Variants in KATNAL1 observed in about 807,000 individuals in gnomAD.
KATNAL1 encodes the protein katanin catalytic subunit A1 like 1.
A neutral mutation model predicts 55.2 loss-of-function variants in KATNAL1; 32 were observed. The ratio of observed to expected loss-of-function variants is 0.58; its 90% CI spans 0.44 to 0.78. The LOEUF is 0.78. KATNAL1 is among the 30% of genes least tolerant of loss of function. The probability of loss-of-function intolerance (pLI) is 0.00; values close to 1 mark genes in which losing one functional copy is unlikely to be tolerated. For missense variants in KATNAL1, 466 were observed against 600.9 expected, an observed-to-expected ratio of 0.78 and a Z score of 2.35; for synonymous variants, 193 against 193.6, an observed-to-expected ratio of 1.00 and a Z score of 0.02.
At chr13:30,253,654 C>T (rs151258513) in intron 4 of KATNAL1, among the ~76,000 whole-genome samples, 3,085 of 83,432 alleles carry the variant, frequency 0.037, 44 homozygotes, top group Admixed American at 0.054. Flanking sequence ...AAGAGCGAGA[C>T]TCCATCTCAA....
intron 9 of KATNAL1, among the ~76,000 whole-genome samples, chr13:30,223,237 A>G (rs1875073499): frequency 6.6e-6 from 1 of 152,062 alleles, no homozygotes; most frequent in South Asian, 2.1e-4. Flanking sequence ...CAGGAGATCG[A>G]GACCATCCTG....
At chr13:30,275,647 G>C (rs962294459) in intron 3 of KATNAL1, among the ~76,000 whole-genome samples, 1 of 152,116 alleles carries the variant, frequency 6.6e-6, no homozygotes, top group Admixed American at 6.5e-5. Flanking sequence ...GTACAGCAAG[G>C]TGACTGTAGT....
At chr13:30,262,078 T>G (rs1248841018) in intron 3 of KATNAL1, among the ~76,000 whole-genome samples, 3 of 151,824 alleles carry the variant, frequency 2.0e-5, no homozygotes, top group Non-Finnish European at 4.4e-5. Context: ...TCAAAACCGC[T>G]CAACTACACG....
At chr13:30,264,700 A>G (rs1444447211) in intron 3 of KATNAL1, among the ~76,000 whole-genome samples, 3 of 125,530 alleles carry the variant, frequency 2.4e-5, no homozygotes, top group African/African-American at 8.1e-5. Context: ...TTAGAATGGC[A>G]ATCATTAAAA....
intron 9 of KATNAL1, among the ~76,000 whole-genome samples, chr13:30,212,075 T>C (rs576652042): frequency 6.6e-6 from 1 of 152,314 alleles, no homozygotes; most frequent in South Asian, 2.1e-4. Flanking sequence ...GTGCCAGATA[T>C]ATTACATCTA....
At chr13:30,256,862 C>T (rs1878841043) in intron 3 of KATNAL1, among the ~76,000 whole-genome samples, 1 of 152,040 alleles carries the variant, frequency 6.6e-6, no homozygotes, top group African/African-American at 2.4e-5. Flanking sequence ...GGAGTTCAGT[C>T]CAGTTAAACA....
chr13:30,285,480 C>G (rs908253273), intron 1 of KATNAL1, among the ~76,000 whole-genome samples: 2 of 152,164 alleles, frequency 1.3e-5, no homozygotes, highest in African/African-American at 4.8e-5. Context: ...CTCCTGCTGC[C>G]CTGTGAAGAG....
chr13:30,212,572 C>G (rs1873793373), intron 9 of KATNAL1, among the ~76,000 whole-genome samples: 1 of 152,180 alleles, frequency 6.6e-6, no homozygotes, highest in Non-Finnish European at 1.5e-5. Flanking sequence ...AAGGATCCTG[C>G]AACACAAGCA....
At chr13:30,218,596 G>C (rs1874545558) in intron 9 of KATNAL1, among the ~76,000 whole-genome samples, 1 of 152,046 alleles carries the variant, frequency 6.6e-6, no homozygotes, top group Admixed American at 6.5e-5. Context: ...AATTGGTGTG[G>C]GCCTGAGAAT....
chr13:30,304,135 A>G (rs764634310), intron 1 of KATNAL1, among the ~76,000 whole-genome samples: 1 of 152,218 alleles, frequency 6.6e-6, no homozygotes, highest in Non-Finnish European at 1.5e-5. Context: ...AGTTGGAGAC[A>G]CAAAATTAGA....
At position 30,204,809 on chromosome 13, in the gene KATNAL1, G is replaced by T. The variant is rs998919909; in HGVS notation, c.*3731C>A. 2 of 152,152 alleles carry T rather than the reference G, an allele frequency of 1.3e-5. No individual in the cohort carries two copies. Among genetic ancestry groups the T allele is most frequent in the Non-Finnish European group, 2.9e-5 (2 of 68,038 alleles). 9.4% of individuals were successfully genotyped at this position (152,152 alleles called of 1,614,324 possible). A position where few individuals can be genotyped will look rare whatever the true frequency, so the allele number is the denominator to read the frequency against. Reference sequence around the variant, plus strand: ...CTGAAATTAAGCCCTGAGCTATACAGCTAGACCACCGCATGTTTTCCCCTT... The same window carrying T: ...CTGAAATTAAGCCCTGAGCTATACATCTAGACCACCGCATGTTTTCCCCTT... On this transcript the variant is annotated 3_prime_UTR_variant, in exon 11 of 11. Coordinates refer to ENST00000380615, the MANE Select transcript of KATNAL1 (RefSeq NM_032116.5).
At chr13:30,228,431 A>G (rs1875735696) in intron 8 of KATNAL1, among the ~76,000 whole-genome samples, 1 of 151,940 alleles carries the variant, frequency 6.6e-6, no homozygotes, top group Non-Finnish European at 1.5e-5. Flanking sequence ...TGAAACTCCT[A>G]CTTCGGTCAT....
chr13:30,295,486 G>C (rs1186017865), intron 1 of KATNAL1, among the ~76,000 whole-genome samples: 1 of 152,146 alleles, frequency 6.6e-6, no homozygotes, highest in Non-Finnish European at 1.5e-5. Context: ...AAACGGGGTA[G>C]GGCACAGTGG....
At chr13:30,300,238 T>C (rs1264202364) in intron 1 of KATNAL1, among the ~76,000 whole-genome samples, 1 of 152,246 alleles carries the variant, frequency 6.6e-6, no homozygotes, top group African/African-American at 2.4e-5. Context: ...AATTCAGTTA[T>C]ACTTACAATA....
intron 3 of KATNAL1, among the ~76,000 whole-genome samples, chr13:30,274,751 G>C (rs1311372342): frequency 6.6e-6 from 1 of 152,148 alleles, no homozygotes; most frequent in African/African-American, 2.4e-5. Context: ...AAATCAGTGT[G>C]TCAGATCTCT....
intron 3 of KATNAL1, among the ~76,000 whole-genome samples, chr13:30,279,085 G>T (rs141049603): frequency 2.2e-3 from 329 of 152,262 alleles, no homozygotes; most frequent in Non-Finnish European, 3.2e-3. Flanking sequence ...AAAGGAAAAC[G>T]TATTTTCTAC....
intron 4 of KATNAL1, among the ~76,000 whole-genome samples, chr13:30,243,934 T>C (rs9578160): frequency 0.02 from 3,076 of 152,140 alleles, 49 homozygotes; most frequent in Non-Finnish European, 0.028. Context: ...ATTATTTTTC[T>C]TTTTTTTAAA....
At chr13:30,262,626 G>A (rs1341109237) in intron 3 of KATNAL1, among the ~76,000 whole-genome samples, 1 of 151,954 alleles carries the variant, frequency 6.6e-6, no homozygotes, top group Non-Finnish European at 1.5e-5. Context: ...TAGAAGAAAT[G>A]GATAAATTCC....
chr13:30,233,636 T>C (rs1463484034), intron 6 of KATNAL1, among the ~76,000 whole-genome samples: 1 of 151,822 alleles, frequency 6.6e-6, no homozygotes, highest in Non-Finnish European at 1.5e-5. Flanking sequence ...GAAGAATTAT[T>C]TGCACTCCTG....
Sources: gnomAD v4.1 joint callset for allele counts (sites outside exome capture counted in the v4.1 genomes callset) on GRCh38, gnomAD v4.1.1 for gene constraint, MANE v1.5 for transcripts, NCBI Gene and HGNC (gene_info 2026-07-23, HGNC 2026-07-21) for gene names.